The following ZNF839 variants were observed in gnomAD, a reference collection of about 807,000 sequenced individuals.
The protein encoded by ZNF839 is zinc finger protein 839.
Under a neutral mutation model 56.4 loss-of-function variants are expected in ZNF839, and 38 were observed. The ratio of observed to expected loss-of-function variants is 0.67; its 90% confidence interval spans 0.52 to 0.88. The LOEUF (loss-of-function observed/expected upper bound fraction) is 0.88, where lower values mean the gene tolerates loss of function less well. Among genes scored for constraint, ZNF839 ranks in the 40% least tolerant of loss-of-function variants. ZNF839 has a pLI of 0.00. For synonymous variants in ZNF839, 486 were observed against 493.5 expected (o/e 0.98, Z 0.20); for missense variants, 1,091 against 1,177.6 (o/e 0.93, Z 1.08).
intron 1 of ZNF839, among the ~76,000 whole-genome samples, chr14:102,325,587 C>T (rs776166722): frequency 2.6e-5 from 4 of 151,854 alleles, no homozygotes; most frequent in African/African-American, 4.8e-5. Flanking sequence ...AACCTCCTCC[C>T]GGGTTCAAGC....
At chr14:102,319,619 G>T, upstream of ZNF839, 1 of 1,140,422 alleles carries the variant, frequency 8.8e-7, no homozygotes, top group African/African-American at 1.6e-5. This position sits in a 1 kb window ranked among gnomAD's most constrained non-coding sequence, Gnocchi z 4.5. Context: ...CTGGGGCGGG[G>T]CACTCCACGA....
intron 2 of ZNF839, among the ~76,000 whole-genome samples, chr14:102,330,963 G>A (rs544553987): frequency 6.6e-5 from 10 of 152,316 alleles, no homozygotes; most frequent in African/African-American, 2.2e-4. Context: ...AAAGTAGACC[G>A]GTGGTTACCA....
chr14:102,328,372 AAAAATATATATATATATATATATAT>A (rs1233643514), intron 2 of ZNF839, among the ~76,000 whole-genome samples: 3 of 44,506 alleles, frequency 6.7e-5, no homozygotes, highest in Admixed American at 3.1e-4. Context: ...AAAAAAAAAA[AAAAATATATATATATATATATATAT>A]ATATATATAT....
In ZNF839 at chr14:102,319,992, C is replaced by T. The variant is rs1167547349; in HGVS notation, c.227C>T (p.Ala76Val). Residue 76 changes from alanine (A) to valine (V), a missense_variant, in exon 1 of 8, where the codon GCC becomes GTC. By Grantham distance (64) the Ala-to-Val change is moderately conservative. Around this residue, in one of 3 missense-constraint regions of ZNF839, gnomAD observed 614 missense variants for 629.2 expected, o/e 0.98. Coordinates refer to ENST00000442396, the MANE Select transcript of ZNF839 (RefSeq NM_018335.6). This position sits in a 1 kb window ranked among gnomAD's most constrained non-coding sequence, Gnocchi z 4.5. ...CGGCTGCGGGACGCGGCCCAACAGG[C>T]CGCCCTGCAGCGGGGCCGGGGCACC... is the stretch of plus-strand genomic sequence containing the variant. Reference protein sequence around the residue: ...ARRLRDAAQQAALQRGRGTEP... With the variant: ...ARRLRDAAQQVALQRGRGTEP... 2 of 1,175,198 alleles carry T rather than the reference C, an allele frequency of 1.7e-6. No homozygotes were observed. The highest frequency in any genetic ancestry group is 1.0e-6 in the Non-Finnish European group (1 of 954,154). The allele number at this position is 1,175,198 out of a possible 1,614,324, so 72.8% of individuals were successfully genotyped here. A position where few individuals can be genotyped will look rare whatever the true frequency, so the allele number is the denominator to read the frequency against.
In ZNF839 at chr14:102,326,549, G is replaced by T. The variant is rs749530253; in HGVS notation, c.853G>T (p.Glu285Ter). The T allele has an allele frequency of 6.2e-7, 1 of 1,613,992 alleles. No individual in the cohort carries two copies. The highest frequency in any genetic ancestry group is 8.5e-7 in the Non-Finnish European group (1 of 1,179,878). Residue 285 changes from glutamate (E) to a stop codon, truncating the protein, a stop_gained, in exon 2 of 8, where the codon GAA (glutamate) becomes TAA (stop). Coordinates refer to ENST00000442396, the MANE Select transcript of ZNF839 (RefSeq NM_018335.6). LOFTEE classifies it high-confidence loss of function. The surrounding 1 kb of genome is among the most constrained non-coding windows in gnomAD (Gnocchi z 4.3). Reference sequence around the variant, plus strand: ...TCTGTCAGATTCTGATGATTACTCAGAACTCTGTGTGGAAGAAGATGAAGA... The same window carrying T: ...TCTGTCAGATTCTGATGATTACTCATAACTCTGTGTGGAAGAAGATGAAGA... ...GHLSDSDDYS[E>*]LCVEEDEDQR...
At position 102,332,632 on chromosome 14, in the gene ZNF839, G is replaced by A. The variant is rs1051652152; in HGVS notation, c.1416+786G>A. Among the ~76,000 whole-genome samples, 4 of 151,906 alleles carry A rather than the reference G, an allele frequency of 2.6e-5. No individual in the cohort carries two copies. Among genetic ancestry groups the A allele is most frequent in the Admixed American group, 6.6e-5 (1 of 15,248 alleles). On this transcript the variant is annotated intron_variant, in intron 3 of 7. Coordinates refer to ENST00000442396, the MANE Select transcript of ZNF839 (RefSeq NM_018335.6). The surrounding 1 kb of genome is among the most constrained non-coding windows in gnomAD (Gnocchi z 4.9). ...TCTGACAAAACTGTCAGTTGAGGCC[G>A]GGCACGGTGGCTCACACCTGTAATC...
intron 1 of ZNF839, among the ~76,000 whole-genome samples, chr14:102,321,114 G>C (rs967364856): frequency 3.3e-5 from 5 of 152,252 alleles, no homozygotes; most frequent in African/African-American, 1.2e-4. Context: ...ATTCTGTCCA[G>C]ATGCCACACT....
chr14:102,342,031 A>G lies in ZNF839; in HGVS notation c.2636A>G (p.His879Arg), dbSNP rs1886587563. The G allele has an allele frequency of 6.2e-7, 1 of 1,614,006 alleles. No individual in the cohort carries two copies. ...AMAFEISNGS[H>R]ELLSQGQKQI... ...GCTTTTGAAATTTCCAATGGGAGCC[A>G]TGAGTTACTGTCTCAGGGACAGAAG... is the stretch of plus-strand genomic sequence containing the variant. The change falls in exon 8 of 8, where the codon CAT (histidine) becomes CGT (arginine). Residue 879 changes from histidine (H) to arginine (R), a missense_variant. Physicochemically the swap from His to Arg is conservative, Grantham distance 29. Around this residue, in one of 3 missense-constraint regions of ZNF839, gnomAD observed 431 missense variants for 468.0 expected, o/e 0.92. Transcript: ENST00000442396.
chr14:102,335,860 AAG>A (rs1339633725), intron 5 of ZNF839, 22 bp downstream of exon 5: 1 of 1,607,430 alleles, frequency 6.2e-7, no homozygotes, highest in Admixed American at 1.7e-5. Context: ...CCATGGCAGA[AAG>A]AGTTTTGCTC....
In ZNF839 at chr14:102,335,617, A is replaced by G. The variant is rs557858724; in HGVS notation, c.1510-72A>G. On this transcript the variant is annotated intron_variant, in intron 4 of 7. Coordinates refer to ENST00000442396, the MANE Select transcript of ZNF839 (RefSeq NM_018335.6). ...GGGTTAAGGAACCGAAACTTTGTTT[A>G]GATTTTCTTCTGTATTTTCCATATC... 13 of 1,467,666 alleles carry G rather than the reference A, an allele frequency of 8.9e-6. No homozygotes were observed. In the Admixed American group the frequency reaches 3.2e-4, roughly 36 times the overall value. 90.9% of individuals were successfully genotyped at this position (1,467,666 alleles called of 1,614,324 possible). A position where few individuals can be genotyped will look rare whatever the true frequency, so the allele number is the denominator to read the frequency against.
chr14:102,339,887 G>A (rs949789444), intron 7 of ZNF839, among the ~76,000 whole-genome samples: 1 of 152,152 alleles, frequency 6.6e-6, no homozygotes, highest in Non-Finnish European at 1.5e-5. Context: ...TGCCAGCTGA[G>A]ATTTAACATT....
At chr14:102,334,901 C>G (rs1334942244) in intron 4 of ZNF839, 5 of 178,310 alleles carry the variant, frequency 2.8e-5, no homozygotes, top group Non-Finnish European at 5.8e-5. Context: ...CACCATCATA[C>G]CCGGCTAATT....
upstream of ZNF839, chr14:102,319,402 G>C (rs996160922): frequency 2.9e-5 from 5 of 173,504 alleles, no homozygotes; most frequent in African/African-American, 1.2e-4. The surrounding 1 kb of genome is among the most constrained non-coding windows in gnomAD (Gnocchi z 4.5). Context: ...AGCATCCTCC[G>C]CTGATTCGGA....
In ZNF839 at chr14:102,326,741, G is replaced by C. The variant is rs747277842; in HGVS notation, c.1045G>C (p.Glu349Gln). The C allele has an allele frequency of 1.2e-5, 20 of 1,613,168 alleles. No individual in the cohort carries two copies. In the Admixed American group the frequency reaches 3.2e-4, roughly 26 times the overall value. ...GTTGGACCCCGAGATGGTGCTGTCT[G>C]AGAAAGCCAGTGGAAGCACCCTCCG... ...GQLDPEMVLSEKASGSTLRGC... is the reference protein window; with the variant it reads ...GQLDPEMVLSQKASGSTLRGC... The change falls in exon 2 of 8, where the codon GAG becomes CAG. Residue 349 changes from glutamate to glutamine, a missense_variant. Glu to Gln is a conservative substitution (Grantham distance 29). This residue lies in a region of ZNF839 where 614 missense variants were observed against 629.2 expected (regional missense o/e 0.98). Coordinates refer to ENST00000442396, the MANE Select transcript of ZNF839 (RefSeq NM_018335.6). The surrounding 1 kb of genome is among the most constrained non-coding windows in gnomAD (Gnocchi z 4.3).
chr14:102,333,782 A>C (rs944865978), intron 3 of ZNF839, among the ~76,000 whole-genome samples: 7 of 152,150 alleles, frequency 4.6e-5, no homozygotes, highest in African/African-American at 1.7e-4. Context: ...CTGTCCTGTG[A>C]ACCCCTCTGC....
rs375163932 is a variant in ZNF839 at position 102,331,837 on chromosome 14, G to A, written c.1407G>A (p.Arg469=). The A allele has an allele frequency of 2.6e-5, 40 of 1,563,062 alleles. 3 individuals are homozygous for A. In the African/African-American group the frequency reaches 3.1e-4, roughly 12 times the overall value. ...GEQRASPSKA[R]LKEFLQQCDR... ...AGAGGGCGTCGCCAAGCAAAGCCAG[G>A]CTCAAGGAGGTACCTCACTCTTAAA... Residue 469 remains arginine (R), a synonymous_variant, in exon 3 of 8, where the codon AGG becomes AGA. Transcript: ENST00000442396.
rs1401276721 is a variant in ZNF839, at chr14:102,326,684, C to T, written c.988C>T (p.Arg330Ter). 1.2e-6 allele frequency: 2 copies of T among 1,612,272 alleles called. No homozygotes were observed. The highest frequency in any genetic ancestry group is 1.7e-6 in the Non-Finnish European group (2 of 1,179,252). The stretch of plus-strand genomic sequence containing the variant: ...ATATATAGGGAAGGGGGGACTGGCC[C>T]GACATTTTAAACTTAACCCAGGCCA... ...KSYIGKGGLA[R>*]HFKLNPGHGQ... The change falls in exon 2 of 8, where the codon CGA (arginine) becomes TGA (stop). Residue 330 changes from arginine (R) to a stop codon, truncating the protein, a stop_gained. Transcript: ENST00000442396. LOFTEE classifies it high-confidence loss of function. This position sits in a 1 kb window ranked among gnomAD's most constrained non-coding sequence, Gnocchi z 4.3.
upstream of ZNF839, among the ~76,000 whole-genome samples, chr14:102,319,026 C>G (rs966410962): frequency 6.6e-6 from 1 of 152,214 alleles, no homozygotes; most frequent in Non-Finnish European, 1.5e-5. This position sits in a 1 kb window ranked among gnomAD's most constrained non-coding sequence, Gnocchi z 4.5. Flanking sequence ...GGAGGGCGCA[C>G]AGAGCCTCAA....
At position 102,326,553 on chromosome 14, in the gene ZNF839, T is replaced by C; in HGVS notation, c.857T>C (p.Leu286Pro). Residue 286 changes from leucine to proline, a missense_variant, in exon 2 of 8, where the codon CTC becomes CCC. By Grantham distance (98) the Leu-to-Pro change is moderately conservative. Around this residue, in one of 3 missense-constraint regions of ZNF839, gnomAD observed 614 missense variants for 629.2 expected, o/e 0.98. Transcript: ENST00000442396. The surrounding 1 kb of genome is among the most constrained non-coding windows in gnomAD (Gnocchi z 4.3). ...TCAGATTCTGATGATTACTCAGAACTCTGTGTGGAAGAAGATGAAGATCAG... is the reference window on the plus strand; with the variant it reads ...TCAGATTCTGATGATTACTCAGAACCCTGTGTGGAAGAAGATGAAGATCAG... ...HLSDSDDYSE[L>P]CVEEDEDQRE... The C allele has an allele frequency of 6.2e-7, 1 of 1,613,978 alleles. No homozygotes were observed. The highest frequency in any genetic ancestry group is 1.1e-5 in the South Asian group (1 of 91,080).
Sources: gnomAD v4.1 joint callset for allele counts (sites outside exome capture counted in the v4.1 genomes callset) on GRCh38, gnomAD v4.1.1 for gene constraint, gnomAD v4.1.1 regional missense constraint, Gnocchi (gnomAD v3.1) non-coding constraint, MANE v1.5 for transcripts, NCBI Gene and HGNC (gene_info 2026-07-23, HGNC 2026-07-21) for gene names.